Variants in PALLD observed in about 807,000 individuals in gnomAD.
PALLD encodes palladin, cytoskeletal associated protein.
Under a neutral mutation model 123.5 loss-of-function variants are expected in PALLD, and 61 were observed. The ratio of observed to expected loss-of-function variants is 0.49; its 90% CI spans 0.40 to 0.61. The LOEUF is 0.61. Among genes scored for constraint, PALLD ranks in the 20% least tolerant of loss-of-function variants. The pLI is 0.00. For missense variants in PALLD, 1,273 were observed against 1,377.0 expected, an observed-to-expected ratio of 0.92 and a Z score of 1.20; for synonymous variants, 465 against 496.4, an observed-to-expected ratio of 0.94 and a Z score of 0.84.
chr4:168,712,012 CTA>C (rs764823144), intron 10 of PALLD, 89 bp downstream of exon 10: 51 of 1,127,782 alleles, frequency 4.5e-5, no homozygotes, highest in Non-Finnish European at 6.2e-5. Flanking sequence ...CTGTATTCAA[CTA>C]TGTGGCAAGT....
chr4:168,560,232 G>A (rs1488329694), intron 2 of PALLD, among the ~76,000 whole-genome samples: 2 of 152,156 alleles, frequency 1.3e-5, no homozygotes, highest in Non-Finnish European at 2.9e-5. Flanking sequence ...CCTAAGTGAA[G>A]TACATGACCT....
At chr4:168,582,246 A>G (rs964102407) in intron 2 of PALLD, among the ~76,000 whole-genome samples, 3 of 151,968 alleles carry the variant, frequency 2.0e-5, no homozygotes, top group Admixed American at 6.6e-5. Flanking sequence ...TGTAAATGGG[A>G]TTGTTTTCTT....
chr4:168,680,834 T>A (rs796633473), intron 3 of PALLD, among the ~76,000 whole-genome samples: 4 of 152,250 alleles, frequency 2.6e-5, no homozygotes, highest in African/African-American at 9.6e-5. Flanking sequence ...TTAAGAACAG[T>A]AATAATGCAA....
At chr4:168,797,476 A>T (rs1332727608) in intron 10 of PALLD, among the ~76,000 whole-genome samples, 1 of 152,136 alleles carries the variant, frequency 6.6e-6, no homozygotes, top group Non-Finnish European at 1.5e-5. Context: ...ACCCTCAATT[A>T]CATCACTTTG....
intron 10 of PALLD, among the ~76,000 whole-genome samples, chr4:168,724,376 T>G (rs1486531881): frequency 6.6e-6 from 1 of 152,208 alleles, no homozygotes; most frequent in East Asian, 1.9e-4. Flanking sequence ...CATCACCTAA[T>G]AGTGAGAACA....
intron 3 of PALLD, 57 bp from the exon 4 acceptor site, chr4:168,681,275 A>G (rs1580933715): frequency 2.0e-6 from 2 of 1,003,236 alleles, no homozygotes; most frequent in Middle Eastern, 2.2e-4. Flanking sequence ...ATTCTTTGCA[A>G]TTATTATAGA....
chr4:168,680,911 C>T (rs114088885), intron 3 of PALLD, among the ~76,000 whole-genome samples: 1,706 of 152,274 alleles, frequency 0.011, 25 homozygotes, highest in African/African-American at 0.039. Flanking sequence ...CACTGTCATA[C>T]TCAGTTTTAC....
chr4:168,568,610 C>T (rs1422910275), intron 2 of PALLD, among the ~76,000 whole-genome samples: 1 of 151,936 alleles, frequency 6.6e-6, no homozygotes, highest in Non-Finnish European at 1.5e-5. Flanking sequence ...CTTATGTGTG[C>T]ATTATGTATG....
At chr4:168,601,171 A>G (rs1010067561) in intron 2 of PALLD, among the ~76,000 whole-genome samples, 11 of 152,094 alleles carry the variant, frequency 7.2e-5, no homozygotes, top group Admixed American at 5.2e-4. Flanking sequence ...AAATTTGTTA[A>G]TTCAGTAAAA....
intron 10 of PALLD, among the ~76,000 whole-genome samples, chr4:168,783,086 A>G (rs28393997): frequency 0.018 from 1,000 of 55,192 alleles, 12 homozygotes; most frequent in African/African-American, 0.048. Context: ...GTGTGTGTGT[A>G]TAGTACTGTT....
chr4:168,615,759 C>T (rs1286719201), intron 2 of PALLD, among the ~76,000 whole-genome samples: 4 of 152,110 alleles, frequency 2.6e-5, no homozygotes, highest in Non-Finnish European at 5.9e-5. Context: ...CTCACCAAAG[C>T]AATGAAGGGT....
intron 10 of PALLD, among the ~76,000 whole-genome samples, chr4:168,817,219 A>G (rs1453270102): frequency 6.6e-6 from 1 of 152,316 alleles, no homozygotes; most frequent in East Asian, 1.9e-4. Context: ...TTTCAGTGGC[A>G]ATGGCAATAA....
chr4:168,631,716 G>C lies in PALLD; in HGVS notation c.909-36474G>C, dbSNP rs539170448. ...GAGCCGGCGGGGCCCAGGACCTCTC[G>C]AGCGCAGCAGGCAAGGGGCCGGCCT... On this transcript the variant is annotated intron_variant, in intron 2 of 21. Transcript: ENST00000505667. 7.6e-4 allele frequency: 746 copies of C among 985,452 alleles called. 5 individuals are homozygous for C. The African/African-American group carries it at 0.011, about 14-fold the overall frequency. 61.0% of individuals were successfully genotyped at this position (985,452 alleles called of 1,614,324 possible).
At chr4:168,581,454 G>A (rs905821600) in intron 2 of PALLD, among the ~76,000 whole-genome samples, 2 of 152,106 alleles carry the variant, frequency 1.3e-5, no homozygotes, top group Non-Finnish European at 2.9e-5. Flanking sequence ...TAACAGGTGT[G>A]AGGTCATATT....
rs747755592 is a variant in PALLD at position 168,746,380 on chromosome 4, C to CAAAAAAAAAAAAAAAAAAAA, written c.1964+34468_1964+34487dup. ...TGGGCGACAGAGCGAGAACCCGTCT[C>CAAAAAAAAAAAAAAAAAAAA]AAAAAAAAAAAAAAAAAAAAAAAAA... On this transcript the variant is annotated intron_variant, in intron 10 of 21. Coordinates refer to ENST00000505667, the MANE Select transcript of PALLD (RefSeq NM_001166108.2). 1.6e-4 allele frequency among the ~76,000 whole-genome samples: 6 copies of CAAAAAAAAAAAAAAAAAAAA among 37,016 alleles called. 2 individuals are homozygous for CAAAAAAAAAAAAAAAAAAAA. The highest frequency in any genetic ancestry group is 4.6e-4 in the African/African-American group (6 of 12,924). The allele number at this position is 37,016 out of a possible 152,430, so 24.3% of individuals were successfully genotyped here.
intron 10 of PALLD, among the ~76,000 whole-genome samples, chr4:168,880,551 C>T (rs1298546183): frequency 6.6e-6 from 1 of 152,112 alleles, no homozygotes; most frequent in African/African-American, 2.4e-5. Flanking sequence ...CATGTTTTTC[C>T]TCTGGCATAC....
chr4:168,603,506 G>A lies in PALLD; in HGVS notation c.909-64684G>A, dbSNP rs7696811. Among the ~76,000 whole-genome samples, 500 of 152,168 alleles carry A rather than the reference G, an allele frequency of 3.3e-3. 3 individuals are homozygous for A. The highest frequency in any genetic ancestry group is 0.011 in the African/African-American group (467 of 41,478). Reference sequence around the variant, plus strand: ...ATTTTATTACCATTTAATAACTTCAGGAAAGACCTATTTTTCAAAATTCAG... The same window carrying A: ...ATTTTATTACCATTTAATAACTTCAAGAAAGACCTATTTTTCAAAATTCAG... On this transcript the variant is annotated intron_variant, in intron 2 of 21. Transcript: ENST00000505667.
chr4:168,873,446 T>C (rs1440941200), intron 10 of PALLD, among the ~76,000 whole-genome samples: 2 of 152,314 alleles, frequency 1.3e-5, no homozygotes, highest in East Asian at 3.9e-4. Context: ...CTCAAGAGTT[T>C]TTCTAGACAA....
At chr4:168,762,025 A>G (rs1333423609) in intron 10 of PALLD, among the ~76,000 whole-genome samples, 1 of 152,154 alleles carries the variant, frequency 6.6e-6, no homozygotes, top group East Asian at 1.9e-4. Context: ...GTCTATTTTT[A>G]GGGATCCATT....
Sources: gnomAD v4.1 joint callset for allele counts (sites outside exome capture counted in the v4.1 genomes callset) on GRCh38, gnomAD v4.1.1 for gene constraint, MANE v1.5 for transcripts, NCBI Gene and HGNC (gene_info 2026-07-23, HGNC 2026-07-21) for gene names.